Variants in CUX2 observed in about 807,000 individuals in gnomAD.
CUX2 encodes homeobox protein cut-like 2.
Under a neutral mutation model 144.8 loss-of-function variants are expected in CUX2, and 40 were observed. The ratio of observed to expected loss-of-function variants is 0.28; its 90% confidence interval spans 0.21 to 0.36. The LOEUF (loss-of-function observed/expected upper bound fraction) is 0.36. CUX2 is among the 10% of genes least tolerant of loss of function. The probability of loss-of-function intolerance (pLI) is 1.00; values close to 1 mark genes in which losing one functional copy is unlikely to be tolerated. For synonymous variants in CUX2, 827 were observed against 875.6 expected, an observed-to-expected ratio of 0.94 and a Z score of 0.98; for missense variants, 1,615 against 1,994.0, an observed-to-expected ratio of 0.81 and a Z score of 3.62.
intron 1 of CUX2, among the ~76,000 whole-genome samples, chr12:111,055,293 C>G (rs1870465615): frequency 6.6e-6 from 1 of 152,212 alleles, no homozygotes; most frequent in South Asian, 2.1e-4. Context: ...CCAGAGGCCA[C>G]CGTCAGAGCT....
At chr12:111,285,493 G>A (rs1051655743) in intron 4 of CUX2, among the ~76,000 whole-genome samples, 30 of 152,172 alleles carry the variant, frequency 2.0e-4, no homozygotes, top group Admixed American at 5.2e-4. Context: ...TCCCTGAAAG[G>A]ACTAAGATTG....
Position 111,320,556 on chromosome 12 carries a change from G to T in CUX2, c.2547G>T (p.Thr849=). 6.5e-7 allele frequency: 1 copy of T among 1,535,076 alleles called. No homozygotes were observed. Among genetic ancestry groups the T allele is most frequent in the Non-Finnish European group, 8.7e-7 (1 of 1,149,050 alleles). The change falls in exon 17 of 22, where the codon ACG becomes ACT. Residue 849 remains threonine (T), a synonymous_variant. Transcript: ENST00000261726. The surrounding 1 kb of genome is among the most constrained non-coding windows in gnomAD (Gnocchi z 8.1). ...AAGAEDEPPR[T]GELKAEGATA... is the part of the protein sequence containing the mutation. ...GGGCGGAGGACGAACCCCCCAGGAC[G>T]GGCGAGCTCAAGGCTGAGGGCGCGA...
In CUX2 at chr12:111,320,349, C is replaced by T. The variant is rs779258286; in HGVS notation, c.2340C>T (p.Gly780=). Residue 780 remains glycine (G), a synonymous_variant, in exon 17 of 22, where the codon GGC becomes GGT. Coordinates refer to ENST00000261726, the MANE Select transcript of CUX2 (RefSeq NM_015267.4). This position sits in a 1 kb window ranked among gnomAD's most constrained non-coding sequence, Gnocchi z 8.1. The part of the protein sequence containing the change: ...SIIRKVKSEI[G]DAGYFDHHWA... ...TCCGCAAGGTCAAGTCCGAGATCGGCGACGCCGGCTACTTCGACCACCACT... is the reference window on the plus strand; with the variant it reads ...TCCGCAAGGTCAAGTCCGAGATCGGTGACGCCGGCTACTTCGACCACCACT... 1 of 1,598,170 alleles carries T rather than the reference C, an allele frequency of 6.3e-7. No individual in the cohort carries two copies. The highest frequency in any genetic ancestry group is 1.1e-5 in the South Asian group (1 of 91,062).
At chr12:111,134,608 C>CTGTGTGTGTGTGTG (rs1385633104) in intron 1 of CUX2, among the ~76,000 whole-genome samples, 18 of 138,014 alleles carry the variant, frequency 1.3e-4, no homozygotes, top group African/African-American at 6.0e-4. Context: ...CTCTCTCTCT[C>CTGTGTGTGTGTGTG]TCTCTCTCTC....
At chr12:111,133,393 G>A (rs951493353) in intron 1 of CUX2, among the ~76,000 whole-genome samples, 16 of 152,172 alleles carry the variant, frequency 1.1e-4, no homozygotes, top group African/African-American at 3.6e-4. Context: ...TGGCTGAGGT[G>A]GCCTCAGATT....
At position 111,312,095 on chromosome 12, in the gene CUX2, C is replaced by G; in HGVS notation, c.1901-5C>G. On this transcript the variant is annotated splice_polypyrimidine_tract_variant and splice_region_variant and intron_variant, in intron 15 of 21. Coordinates refer to ENST00000261726, the MANE Select transcript of CUX2 (RefSeq NM_015267.4). The surrounding 1 kb of genome is among the most constrained non-coding windows in gnomAD (Gnocchi z 4.3). ...CCTGCCACAGATGCCTTCTTGCCTC[C>G]CCAGGCAGCATCACCCCGAGAATCC... 1 of 1,607,666 alleles carries G rather than the reference C, an allele frequency of 6.2e-7. No homozygotes were observed. Among genetic ancestry groups the G allele is most frequent in the Non-Finnish European group, 8.5e-7 (1 of 1,175,144 alleles).
chr12:111,170,576 C>T (rs537991926), intron 1 of CUX2, among the ~76,000 whole-genome samples: 5 of 104,588 alleles, frequency 4.8e-5, no homozygotes, highest in East Asian at 6.1e-4. Context: ...TTTTTTGAGA[C>T]GGTGTGTCAC....
At chr12:111,286,779 G>A (rs1885408223) in intron 4 of CUX2, among the ~76,000 whole-genome samples, 1 of 152,106 alleles carries the variant, frequency 6.6e-6, no homozygotes. Flanking sequence ...TAAGGCAGGA[G>A]AATCGCTTGA....
Position 111,190,090 on chromosome 12 carries a change from C to T in CUX2, c.64-24110C>T, listed in dbSNP as rs573586740. 2.3e-3 allele frequency among the ~76,000 whole-genome samples: 344 copies of T among 152,254 alleles called. 1 individual carries two copies. Among genetic ancestry groups the T allele is most frequent in the Non-Finnish European group, 3.5e-3 (240 of 68,024 alleles). On this transcript the variant is annotated intron_variant, in intron 1 of 21. Transcript: ENST00000261726. The surrounding 1 kb of genome is among the most constrained non-coding windows in gnomAD (Gnocchi z 4.0). The stretch of plus-strand genomic sequence containing the variant: ...CTTGGTGACAGATGAGGTTAAGCAT[C>T]TTTTCGTGTGTTCATTGACTGTTGG...
chr12:111,147,921 T>C (rs746480253), intron 1 of CUX2, among the ~76,000 whole-genome samples: 2 of 152,228 alleles, frequency 1.3e-5, no homozygotes, highest in Non-Finnish European at 2.9e-5. Flanking sequence ...CGCCCAGTCA[T>C]TGGCCTAGCT....
At chr12:111,096,046 G>A (rs1872794488) in intron 1 of CUX2, among the ~76,000 whole-genome samples, 1 of 152,220 alleles carries the variant, frequency 6.6e-6, no homozygotes, top group Non-Finnish European at 1.5e-5. Flanking sequence ...AGGGTCAGCA[G>A]TGATGCTGGG....
chr12:111,308,220 T>C (rs1359254943), intron 12 of CUX2, 65 bp from the exon 13 acceptor site: 3 of 1,593,664 alleles, frequency 1.9e-6, no homozygotes, highest in African/African-American at 1.3e-5. Flanking sequence ...TCAGTGCCTC[T>C]TGAAAGACCT....
chr12:111,192,410 G>A (rs370404985), intron 1 of CUX2, among the ~76,000 whole-genome samples: 15 of 152,016 alleles, frequency 9.9e-5, no homozygotes, highest in East Asian at 3.9e-4. Flanking sequence ...GATTACAGGC[G>A]TCAGCCACTG....
Position 111,341,775 on chromosome 12 carries a change from C to T in CUX2, c.3386-5C>T, listed in dbSNP as rs1449527614. 1 of 1,580,056 alleles carries T rather than the reference C, an allele frequency of 6.3e-7. No individual in the cohort carries two copies. The highest frequency in any genetic ancestry group is 8.6e-7 in the Non-Finnish European group (1 of 1,165,358). ...TCTCAGCCCTCCCTCTCTTCCTGGC[C>T]CCAGCCTACCTGAAACGTCGCTATG... On this transcript the variant is annotated splice_region_variant and splice_polypyrimidine_tract_variant and intron_variant, in intron 20 of 21. Coordinates refer to ENST00000261726, the MANE Select transcript of CUX2 (RefSeq NM_015267.4).
At chr12:111,177,800 G>A (rs983948506) in intron 1 of CUX2, among the ~76,000 whole-genome samples, 3 of 152,196 alleles carry the variant, frequency 2.0e-5, no homozygotes, top group African/African-American at 7.2e-5. Flanking sequence ...CCGAGGCCTG[G>A]GTTAGCATTT....
intron 8 of CUX2, among the ~76,000 whole-genome samples, chr12:111,296,916 C>T (rs1227858095): frequency 6.7e-6 from 1 of 148,940 alleles, no homozygotes; most frequent in African/African-American, 2.5e-5. Context: ...TACCTCTGAC[C>T]CTCCAGTACT....
chr12:111,333,783 C>T (rs1226178501), intron 18 of CUX2, among the ~76,000 whole-genome samples: 3 of 151,960 alleles, frequency 2.0e-5, no homozygotes, highest in African/African-American at 2.4e-5. Context: ...CGCTTGAACC[C>T]GGGAAAGAGG....
chr12:111,152,751 G>A (rs1305304692), intron 1 of CUX2, among the ~76,000 whole-genome samples: 3 of 152,232 alleles, frequency 2.0e-5, no homozygotes, highest in African/African-American at 7.2e-5. Context: ...GCAGGCAGGG[G>A]TGCGGTGCTG....
intron 1 of CUX2, among the ~76,000 whole-genome samples, chr12:111,134,592 CTT>C (rs1466418450): frequency 6.8e-6 from 1 of 148,146 alleles, no homozygotes; most frequent in African/African-American, 2.6e-5. Flanking sequence ...AATAAGATCT[CTT>C]TCTCTCTCTC....
Sources: gnomAD v4.1 joint callset for allele counts (sites outside exome capture counted in the v4.1 genomes callset) on GRCh38, gnomAD v4.1.1 for gene constraint, Gnocchi (gnomAD v3.1) non-coding constraint, MANE v1.5 for transcripts, NCBI Gene and HGNC (gene_info 2026-07-23, HGNC 2026-07-21) for gene names.